PNPLA8: variants seen among roughly 807,000 people sequenced by gnomAD.
PNPLA8 encodes patatin like domain 8, phospholipase A2, also known as calcium-independent phospholipase A2-gamma.
A neutral mutation model predicts 76.9 loss-of-function variants in PNPLA8; 39 were observed. That is an observed-to-expected ratio of 0.51 (90% confidence interval 0.39 to 0.66). PNPLA8 has a LOEUF of 0.66. PNPLA8 is among the 30% of genes least tolerant of loss of function. PNPLA8 has a pLI of 0.00. For synonymous variants in PNPLA8, 301 were observed against 307.9 expected, an observed-to-expected ratio of 0.98 and a Z score of 0.24; for missense variants, 887 against 918.0, an observed-to-expected ratio of 0.97 and a Z score of 0.44.
At chr7:108,474,832 G>GT (rs1309093588) in intron 10 of PNPLA8, among the ~76,000 whole-genome samples, 1 of 152,106 alleles carries the variant, frequency 6.6e-6, no homozygotes, top group Non-Finnish European at 1.5e-5. Flanking sequence ...GCTTAATGTA[G>GT]TTTTATAGTC....
At chr7:108,475,291 T>C (rs111597136) in intron 10 of PNPLA8, among the ~76,000 whole-genome samples, 302 of 152,282 alleles carry the variant, frequency 2.0e-3, no homozygotes, top group Non-Finnish European at 3.4e-3. Flanking sequence ...ATAAATGTAA[T>C]GTGCTTGAAT....
At position 108,515,477 on chromosome 7, in the gene PNPLA8, C is replaced by CTCCCACAAACACTTCTTGCATTACTAAGG; in HGVS notation, c.14_15insCCTTAGTAATGCAAGAAGTGTTTGTGGGA (p.Thr6LeufsTer12). 6.7e-7 allele frequency: 1 copy of CTCCCACAAACACTTCTTGCATTACTAAGG among 1,501,474 alleles called. No individual in the cohort carries two copies. Among genetic ancestry groups the CTCCCACAAACACTTCTTGCATTACTAAGG allele is most frequent in the Non-Finnish European group, 8.9e-7 (1 of 1,122,522 alleles). The allele number at this position is 1,501,474 out of a possible 1,614,324, so 93.0% of individuals were successfully genotyped here. ...GGAGGTAAATATATATATCTACAGT[C>CTCCCACAAACACTTCTTGCATTACTAAGG]AGATTAATAGACATAACTTAAAAAT... On this transcript the variant is annotated frameshift_variant, in exon 3 of 11. Coordinates refer to ENST00000257694, the MANE Select transcript of PNPLA8 (RefSeq NM_001256007.3). LOFTEE classifies it high-confidence loss of function.
At chr7:108,520,532 AG>A (rs1863661283) in intron 2 of PNPLA8, among the ~76,000 whole-genome samples, 1 of 152,178 alleles carries the variant, frequency 6.6e-6, no homozygotes, top group Non-Finnish European at 1.5e-5. Context: ...GTATTTGAAT[AG>A]TACAGTAGGG....
At chr7:108,476,246 G>T (rs1268905088) in intron 10 of PNPLA8, among the ~76,000 whole-genome samples, 1 of 152,132 alleles carries the variant, frequency 6.6e-6, no homozygotes, top group Non-Finnish European at 1.5e-5. Flanking sequence ...TTATTAACTG[G>T]AGTGCAGGTA....
intron 2 of PNPLA8, among the ~76,000 whole-genome samples, chr7:108,516,164 G>A (rs1863329173): frequency 6.6e-6 from 1 of 152,146 alleles, no homozygotes; most frequent in Non-Finnish European, 1.5e-5. Context: ...AGAAACTACA[G>A]CATATAACAT....
At chr7:108,523,911 G>T (rs1358275117) in intron 1 of PNPLA8, among the ~76,000 whole-genome samples, 2 of 152,156 alleles carry the variant, frequency 1.3e-5, no homozygotes, top group Non-Finnish European at 2.9e-5. Flanking sequence ...CCAAGAATGG[G>T]GTAAAGAGAG....
Position 108,487,797 on chromosome 7 carries a change from A to G in PNPLA8, c.1840T>C (p.Tyr614His). The G allele has an allele frequency of 6.2e-7, 1 of 1,612,802 alleles. No individual in the cohort carries two copies. The highest frequency in any genetic ancestry group is 8.5e-7 in the Non-Finnish European group (1 of 1,179,414). Residue 614 changes from tyrosine to histidine, a missense_variant, in exon 9 of 11, where the codon TAC becomes CAC. Tyr to His is a moderately conservative substitution (Grantham distance 83, BLOSUM62 2). Coordinates refer to ENST00000257694, the MANE Select transcript of PNPLA8 (RefSeq NM_001256007.3). The stretch of plus-strand genomic sequence containing the variant: ...TTTCCCAATGCATATTCTGCAAAGT[A>G]GCCTGGAGCAGCAGATGAGGCTCTA... ...AIRASSAAPG[Y>H]FAEYALGNDL...
chr7:108,526,590 C>T (rs1864104945), upstream of PNPLA8, among the ~76,000 whole-genome samples: 1 of 152,256 alleles, frequency 6.6e-6, no homozygotes. Flanking sequence ...GAGCTGGGGG[C>T]TGCGATACCA....
intron 4 of PNPLA8, among the ~76,000 whole-genome samples, chr7:108,512,238 C>T (rs1352228992): frequency 1.3e-5 from 2 of 152,180 alleles, no homozygotes; most frequent in African/African-American, 4.8e-5. Context: ...CTTAAGGAAG[C>T]TTAATCCAAT....
chr7:108,489,332 C>CT (rs1271355464), intron 8 of PNPLA8, among the ~76,000 whole-genome samples: 2 of 152,176 alleles, frequency 1.3e-5, no homozygotes, highest in Non-Finnish European at 1.5e-5. Flanking sequence ...ACATGCAGCC[C>CT]TTGGATTCCG....
chr7:108,510,668 C>A (rs1032398257), intron 4 of PNPLA8: 2 of 1,596,406 alleles, frequency 1.3e-6, no homozygotes, highest in African/African-American at 2.7e-5. Context: ...GTACCCCAAT[C>A]TGAAGTCAGT....
chr7:108,510,555 T>G, intron 4 of PNPLA8: 1 of 1,421,062 alleles, frequency 7.0e-7, no homozygotes, highest in Non-Finnish European at 9.8e-7. Flanking sequence ...CGAAAGGTGT[T>G]GCAGCTTCTT....
intron 5 of PNPLA8, among the ~76,000 whole-genome samples, chr7:108,498,192 T>A (rs1192691621): frequency 2.6e-5 from 4 of 151,222 alleles, no homozygotes; most frequent in African/African-American, 9.7e-5. Flanking sequence ...GGTTTTGGAA[T>A]GCCATACCTT....
intron 2 of PNPLA8, among the ~76,000 whole-genome samples, chr7:108,520,067 A>ATG (rs1328662513): frequency 6.6e-6 from 1 of 152,188 alleles, no homozygotes; most frequent in African/African-American, 2.4e-5. Context: ...CTATATAAGT[A>ATG]TGTGGGCCCC....
chr7:108,516,640 C>T (rs894456362), intron 2 of PNPLA8, among the ~76,000 whole-genome samples: 3 of 152,162 alleles, frequency 2.0e-5, no homozygotes, highest in South Asian at 2.1e-4. Flanking sequence ...TGGTGGCTCA[C>T]GCCTGTAATC....
chr7:108,480,608 A>G (rs561395117), intron 9 of PNPLA8: 12 of 250,024 alleles, frequency 4.8e-5, no homozygotes, highest in South Asian at 3.9e-4. Context: ...GAGAATTGTA[A>G]CAGACCTTGG....
At position 108,515,407 on chromosome 7, in the gene PNPLA8, GTTGC is replaced by G. The variant is rs1269665201; in HGVS notation, c.81_84del (p.Lys27AsnfsTer14). On this transcript the variant is annotated frameshift_variant, in exon 3 of 11. Transcript: ENST00000257694. LOFTEE classifies it high-confidence loss of function. ...TGCTTAGGTGAGAACAAGAAATACA[GTTGC>G]TTGCTTCTCTGCTTCCCACAAACAC... is the stretch of plus-strand genomic sequence containing the variant. The G allele has an allele frequency of 1.9e-6, 3 of 1,611,472 alleles. No homozygotes were observed. Among genetic ancestry groups the G allele is most frequent in the Admixed American group, 1.7e-5 (1 of 59,476 alleles).
intron 3 of PNPLA8, 22 bp from the exon 4 acceptor site, chr7:108,514,315 A>G (rs756529698): frequency 1.9e-6 from 3 of 1,589,762 alleles, no homozygotes; most frequent in African/African-American, 2.7e-5. Context: ...TATTAAATAG[A>G]TATGATTAGA....
chr7:108,475,282 T>A (rs1488103401), intron 10 of PNPLA8, among the ~76,000 whole-genome samples: 1 of 152,174 alleles, frequency 6.6e-6, no homozygotes, highest in Non-Finnish European at 1.5e-5. Context: ...AAGTACACAA[T>A]AAATGTAATG....
Sources: allele counts gnomAD v4.1 joint callset (sites outside exome capture counted in the v4.1 genomes callset), GRCh38; gene constraint gnomAD v4.1.1; transcripts MANE v1.5; gene names NCBI Gene and HGNC (gene_info 2026-07-23, HGNC 2026-07-21).